Variants in ANKS1B observed in about 807,000 individuals in gnomAD.
The protein encoded by ANKS1B is ankyrin repeat and sterile alpha motif domain containing 1B.
ANKS1B carries 36 observed loss-of-function variants against 148.3 expected under a neutral mutation model. The ratio of observed to expected loss-of-function variants is 0.24; its 90% confidence interval spans 0.19 to 0.32. The LOEUF (loss-of-function observed/expected upper bound fraction) is 0.32. Among genes scored for constraint, ANKS1B ranks in the 10% least tolerant of loss-of-function variants. ANKS1B has a pLI of 1.00. For missense variants in ANKS1B, 1,157 were observed against 1,542.6 expected (o/e 0.75, Z 4.19); for synonymous variants, 542 against 560.8 (o/e 0.97, Z 0.47).
At position 99,555,343 on chromosome 12, in the gene ANKS1B, G is replaced by C. The variant is rs183085178; in HGVS notation, c.1273-50702C>G. 2.0e-5 allele frequency among the ~76,000 whole-genome samples: 3 copies of C among 152,222 alleles called. No homozygotes were observed. In the East Asian group the frequency reaches 5.8e-4, roughly 29 times the overall value. ...TATCAGTTCTAGGAGCTTTTGGGTG[G>C]AGACTATATGGTTTTCTAGATATGG... On this transcript the variant is annotated intron_variant, in intron 9 of 26. Transcript: ENST00000683438.
At chr12:99,523,957 T>C (rs2096901913) in intron 9 of ANKS1B, among the ~76,000 whole-genome samples, 1 of 152,234 alleles carries the variant, frequency 6.6e-6, no homozygotes, top group South Asian at 2.1e-4. Flanking sequence ...ATTAGTACTA[T>C]GGTACAAGTT....
intron 17 of ANKS1B, among the ~76,000 whole-genome samples, chr12:98,932,939 C>A (rs1387192175): frequency 6.6e-6 from 1 of 152,092 alleles, no homozygotes; most frequent in African/African-American, 2.4e-5. Flanking sequence ...GTATAAACAC[C>A]TGAACTATTT....
At chr12:98,925,346 T>C (rs1469488388) in intron 17 of ANKS1B, among the ~76,000 whole-genome samples, 1 of 152,206 alleles carries the variant, frequency 6.6e-6, no homozygotes, top group Non-Finnish European at 1.5e-5. Context: ...AAAATGATGC[T>C]TAAAATGTAA....
At chr12:98,775,022 T>C (rs552863926) in intron 24 of ANKS1B, among the ~76,000 whole-genome samples, 9 of 152,266 alleles carry the variant, frequency 5.9e-5, no homozygotes, top group Admixed American at 2.6e-4. Context: ...AGTCTTAAAA[T>C]AATGTTAAAA....
At chr12:99,083,032 G>T (rs1160524182) in intron 16 of ANKS1B, among the ~76,000 whole-genome samples, 2 of 152,104 alleles carry the variant, frequency 1.3e-5, no homozygotes, top group African/African-American at 2.4e-5. Flanking sequence ...ATTACTTCCT[G>T]AATTGGTTCT....
At chr12:99,809,131 A>G (rs1188783789) in intron 3 of ANKS1B, among the ~76,000 whole-genome samples, 1 of 152,130 alleles carries the variant, frequency 6.6e-6, no homozygotes, top group East Asian at 1.9e-4. Context: ...AATTCCTAGT[A>G]TGGCTATGCA....
chr12:99,839,007 T>C (rs2085281992), intron 1 of ANKS1B, among the ~76,000 whole-genome samples: 1 of 152,128 alleles, frequency 6.6e-6, no homozygotes, highest in Admixed American at 6.6e-5. Flanking sequence ...CATATTTTAA[T>C]AGCTAAAAAT....
chr12:99,142,581 A>G (rs1249751386), intron 15 of ANKS1B, among the ~76,000 whole-genome samples: 1 of 152,154 alleles, frequency 6.6e-6, no homozygotes, highest in Non-Finnish European at 1.5e-5. Flanking sequence ...AGAACTAAAA[A>G]TAGAATCTAT....
intron 17 of ANKS1B, among the ~76,000 whole-genome samples, chr12:98,889,354 T>A (rs556776387): frequency 4.8e-4 from 73 of 152,114 alleles, no homozygotes; most frequent in South Asian, 1.4e-3. Context: ...TTTTTTATTT[T>A]TTTTTTTTTT....
chr12:98,886,093 CAG>C (rs1477553144), intron 17 of ANKS1B, among the ~76,000 whole-genome samples: 1 of 152,082 alleles, frequency 6.6e-6, no homozygotes, highest in African/African-American at 2.4e-5. Flanking sequence ...GAAAGTATCA[CAG>C]CATATAGGAA....
intron 9 of ANKS1B, among the ~76,000 whole-genome samples, chr12:99,527,765 G>A (rs1288039315): frequency 1.3e-5 from 2 of 151,970 alleles, no homozygotes; most frequent in African/African-American, 4.8e-5. Context: ...TCAAGGTTTT[G>A]TTGGTAGTTG....
chr12:99,046,175 T>TG (rs113407842), intron 17 of ANKS1B, among the ~76,000 whole-genome samples: 1,726 of 152,302 alleles, frequency 0.011, 45 homozygotes, highest in East Asian at 0.094. Context: ...AACAATACTC[T>TG]GCCTTGCCTA....
intron 10 of ANKS1B, among the ~76,000 whole-genome samples, chr12:99,460,831 T>C (rs1304728040): frequency 1.3e-5 from 2 of 152,024 alleles, no homozygotes; most frequent in Non-Finnish European, 2.9e-5. Context: ...CTGAAAACAG[T>C]GTGGAGATTC....
intron 1 of ANKS1B, among the ~76,000 whole-genome samples, chr12:99,918,870 T>C (rs2094257218): frequency 6.6e-6 from 1 of 152,164 alleles, no homozygotes; most frequent in South Asian, 2.1e-4. Flanking sequence ...CTTAAAAACA[T>C]ACCTAAACAC....
chr12:99,595,820 C>T (rs2097753941), intron 9 of ANKS1B, among the ~76,000 whole-genome samples: 1 of 151,902 alleles, frequency 6.6e-6, no homozygotes, highest in Admixed American at 6.6e-5. Context: ...AAATATGCAA[C>T]TAATCCTTCA....
In ANKS1B at chr12:99,511,552, G is replaced by GA. The variant is rs538303291; in HGVS notation, c.1273-6912dup. On this transcript the variant is annotated intron_variant, in intron 9 of 26. Transcript: ENST00000683438. Reference sequence around the variant, plus strand: ...ACCATTGACATTCTTCACAGAATTAGAAAAAAACTAATTTAAAATTCATAT... The same window carrying GA: ...ACCATTGACATTCTTCACAGAATTAGAAAAAAAACTAATTTAAAATTCATAT... 2.8e-3 allele frequency among the ~76,000 whole-genome samples: 427 copies of GA among 151,970 alleles called. 2 individuals carry two copies. The highest frequency in any genetic ancestry group is 9.9e-3 in the African/African-American group (412 of 41,490).
At chr12:98,962,242 A>G (rs1268663022) in intron 17 of ANKS1B, among the ~76,000 whole-genome samples, 6 of 151,878 alleles carry the variant, frequency 4.0e-5, no homozygotes, top group Non-Finnish European at 8.8e-5. Flanking sequence ...TGGAAAAAAT[A>G]TACTATGCAA....
At chr12:99,039,457 G>A (rs552440142) in intron 17 of ANKS1B, among the ~76,000 whole-genome samples, 1 of 152,358 alleles carries the variant, frequency 6.6e-6, no homozygotes, top group African/African-American at 2.4e-5. Context: ...TGAGCCCTCC[G>A]AAGTCAGGTC....
At chr12:98,920,298 G>C (rs550102036) in intron 17 of ANKS1B, among the ~76,000 whole-genome samples, 6 of 152,314 alleles carry the variant, frequency 3.9e-5, no homozygotes, top group African/African-American at 1.4e-4. Context: ...GCCAATTGTT[G>C]GTTGAAGGTG....
Sources: allele counts gnomAD v4.1 joint callset (sites outside exome capture counted in the v4.1 genomes callset), GRCh38; gene constraint gnomAD v4.1.1; transcripts MANE v1.5; gene names NCBI Gene and HGNC (gene_info 2026-07-23, HGNC 2026-07-21).